WDTC1: variants seen among roughly 807,000 people sequenced by gnomAD.
The protein encoded by WDTC1 is WD and tetratricopeptide repeats protein 1.
A neutral mutation model predicts 76.0 loss-of-function variants in WDTC1; 12 were observed. That is an observed-to-expected ratio of 0.16 (90% CI 0.10 to 0.26). WDTC1 has a LOEUF of 0.26. Ranked by LOEUF, WDTC1 falls within the 10% of genes least tolerant of loss-of-function variation. The pLI is 1.00. For synonymous variants in WDTC1, 326 were observed against 350.8 expected, an observed-to-expected ratio of 0.93 and a Z score of 0.79; for missense variants, 511 against 908.8, an observed-to-expected ratio of 0.56 and a Z score of 5.63.
intron 1 of WDTC1, among the ~76,000 whole-genome samples, chr1:27,250,083 A>C (rs186710669): frequency 3.5e-4 from 54 of 152,294 alleles, no homozygotes; most frequent in Non-Finnish European, 7.4e-4. Flanking sequence ...AATCCATGCT[A>C]CTGAGCAAAT....
intron 1 of WDTC1, among the ~76,000 whole-genome samples, chr1:27,236,191 A>T (rs994035438): frequency 6.6e-6 from 1 of 152,072 alleles, no homozygotes; most frequent in Non-Finnish European, 1.5e-5. Flanking sequence ...TGTGATTCTT[A>T]TATCTTTAGC....
At chr1:27,237,511 A>T (rs2011515352) in intron 1 of WDTC1, among the ~76,000 whole-genome samples, 1 of 152,034 alleles carries the variant, frequency 6.6e-6, no homozygotes, top group Non-Finnish European at 1.5e-5. Flanking sequence ...GTACTTTCTT[A>T]GCTGTCATCT....
At chr1:27,277,257 A>G (rs1216459881) in intron 3 of WDTC1, among the ~76,000 whole-genome samples, 2 of 152,078 alleles carry the variant, frequency 1.3e-5, no homozygotes, top group African/African-American at 4.8e-5. Flanking sequence ...ACATTGCCTA[A>G]TCCAAGGTCA....
chr1:27,259,622 C>A (rs2012410225), intron 1 of WDTC1, among the ~76,000 whole-genome samples: 1 of 152,034 alleles, frequency 6.6e-6, no homozygotes, highest in Non-Finnish European at 1.5e-5. Context: ...CACTGCACCA[C>A]CACACCTGAC....
upstream of WDTC1, chr1:27,234,571 G>T (rs1470479220): frequency 1.0e-5 from 4 of 389,092 alleles, no homozygotes; most frequent in South Asian, 2.9e-4. Flanking sequence ...TCTTCGTAGC[G>T]TACCCGCCGG....
In WDTC1 at chr1:27,301,945, C is replaced by G. The variant is rs977132188; in HGVS notation, c.1468+484C>G. 2.0e-5 allele frequency among the ~76,000 whole-genome samples: 3 copies of G among 152,184 alleles called. No individual in the cohort carries two copies. The highest frequency in any genetic ancestry group is 4.8e-5 in the African/African-American group (2 of 41,430). On this transcript the variant is annotated intron_variant, in intron 13 of 15. Transcript: ENST00000319394. This position sits in a 1 kb window ranked among gnomAD's most constrained non-coding sequence, Gnocchi z 5.8. The stretch of plus-strand genomic sequence containing the variant: ...GCCTCGGTTCCAAATGCAGCTCCAC[C>G]ACCTGACTGTGTGGCCTTGAAGAAA...
chr1:27,291,775 CAG>C (rs1337465668), intron 6 of WDTC1, among the ~76,000 whole-genome samples: 12 of 152,256 alleles, frequency 7.9e-5, no homozygotes, highest in Middle Eastern at 6.8e-3. Context: ...GATGCAGTCT[CAG>C]AAAGCTTCCC....
chr1:27,283,522 C>T lies in WDTC1; in HGVS notation c.291+73C>T, dbSNP rs2013250971. The T allele has an allele frequency of 6.4e-6, 9 of 1,414,422 alleles. No homozygotes were observed. The Admixed American group carries it at 1.4e-4, about 22-fold the overall frequency. 87.6% of individuals were successfully genotyped at this position (1,414,422 alleles called of 1,614,324 possible). A position where few individuals can be genotyped will look rare whatever the true frequency, so the allele number is the denominator to read the frequency against. ...AAGAGTGACTGGGCTGTGGCCACGC[C>T]ATGTTGGTATGTGTGTGTCCCATAT... is the stretch of plus-strand genomic sequence containing the variant. On this transcript the variant is annotated intron_variant, in intron 5 of 15. Coordinates refer to ENST00000319394, the MANE Select transcript of WDTC1 (RefSeq NM_001276252.2).
intron 6 of WDTC1, among the ~76,000 whole-genome samples, chr1:27,288,667 G>A (rs1457535231): frequency 1.3e-5 from 2 of 151,600 alleles, no homozygotes; most frequent in East Asian, 1.9e-4. Flanking sequence ...AGGGTTGGGG[G>A]TAAGGTCACA....
At position 27,303,473 on chromosome 1, in the gene WDTC1, A is replaced by G. The variant is rs556268975; in HGVS notation, c.1469-148A>G. 1 of 1,024,670 alleles carries G rather than the reference A, an allele frequency of 9.8e-7. No individual in the cohort carries two copies. The highest frequency in any genetic ancestry group is 2.0e-5 in the South Asian group (1 of 48,890). The allele number at this position is 1,024,670 out of a possible 1,614,324, so 63.5% of individuals were successfully genotyped here. On this transcript the variant is annotated intron_variant, in intron 13 of 15. Coordinates refer to ENST00000319394, the MANE Select transcript of WDTC1 (RefSeq NM_001276252.2). This position sits in a 1 kb window ranked among gnomAD's most constrained non-coding sequence, Gnocchi z 4.8. ...AGATCCAAAGATGCATCTTCCTCAC[A>G]ACCTTTCCCCAGTTTTCCAGGATAA...
intron 1 of WDTC1, among the ~76,000 whole-genome samples, chr1:27,251,277 T>C (rs1355255301): frequency 2.6e-5 from 4 of 151,878 alleles, no homozygotes; most frequent in Admixed American, 6.6e-5. Context: ...GTTAAAAGTT[T>C]ATAGAAATGA....
chr1:27,235,502 G>C (rs1456025114), intron 1 of WDTC1, among the ~76,000 whole-genome samples: 2 of 150,782 alleles, frequency 1.3e-5, no homozygotes, highest in Non-Finnish European at 2.9e-5. Context: ...GTTTCCACCA[G>C]GCGACTGTAG....
At chr1:27,284,365 T>C (rs1163096981) in intron 5 of WDTC1, among the ~76,000 whole-genome samples, 4 of 152,208 alleles carry the variant, frequency 2.6e-5, no homozygotes, top group Non-Finnish European at 5.9e-5. Flanking sequence ...GATGTGAGAA[T>C]GAAGTTGTCC....
chr1:27,277,768 T>G (rs1162058374), intron 3 of WDTC1, among the ~76,000 whole-genome samples: 1 of 152,178 alleles, frequency 6.6e-6, no homozygotes. Context: ...GTCTTTCAAC[T>G]TTGTTCATTT....
chr1:27,240,149 C>G (rs2011586985), intron 1 of WDTC1, among the ~76,000 whole-genome samples: 2 of 152,110 alleles, frequency 1.3e-5, no homozygotes, highest in African/African-American at 2.4e-5. Flanking sequence ...CCTTGGCCCC[C>G]CAAAGTGCTG....
Position 27,305,290 on chromosome 1 carries a change from G to A in WDTC1, c.1836+97G>A. On this transcript the variant is annotated intron_variant, in intron 15 of 15. Coordinates refer to ENST00000319394, the MANE Select transcript of WDTC1 (RefSeq NM_001276252.2). This position sits in a 1 kb window ranked among gnomAD's most constrained non-coding sequence, Gnocchi z 4.6. ...AGGGAAGAGAAATGAGCCACCCAGA[G>A]GCTAGAAGCTGCTAAGTAAGCCTTA... The A allele has an allele frequency of 7.1e-7, 1 of 1,417,128 alleles. No homozygotes were observed. Among genetic ancestry groups the A allele is most frequent in the Non-Finnish European group, 9.3e-7 (1 of 1,070,216 alleles). 87.8% of individuals were successfully genotyped at this position (1,417,128 alleles called of 1,614,324 possible).
chr1:27,248,147 T>C (rs2011914504), intron 1 of WDTC1, among the ~76,000 whole-genome samples: 1 of 152,260 alleles, frequency 6.6e-6, no homozygotes, highest in Non-Finnish European at 1.5e-5. Flanking sequence ...AAACTATTTA[T>C]ATTCCTTTGG....
chr1:27,246,172 G>T (rs2011822355), intron 1 of WDTC1, among the ~76,000 whole-genome samples: 4 of 152,122 alleles, frequency 2.6e-5, no homozygotes. Context: ...TGTGCAACTT[G>T]TCACCACTAT....
At chr1:27,284,722 T>A (rs1467087502) in intron 5 of WDTC1, among the ~76,000 whole-genome samples, 2 of 151,832 alleles carry the variant, frequency 1.3e-5, no homozygotes, top group African/African-American at 4.8e-5. Context: ...GGTAAGACCT[T>A]GGGAACGGCA....
Sources: gnomAD v4.1 joint callset for allele counts (sites outside exome capture counted in the v4.1 genomes callset) on GRCh38, gnomAD v4.1.1 for gene constraint, Gnocchi (gnomAD v3.1) non-coding constraint, MANE v1.5 for transcripts, NCBI Gene and HGNC (gene_info 2026-07-23, HGNC 2026-07-21) for gene names.